The following CCDC91 variants were observed in gnomAD, a reference collection of about 807,000 sequenced individuals.
The protein encoded by CCDC91 is coiled-coil domain containing 91.
A neutral mutation model predicts 63.2 loss-of-function variants in CCDC91; 48 were observed. That is an observed-to-expected ratio of 0.76 (90% CI 0.60 to 0.97). The LOEUF is 0.97. CCDC91 is among the 50% of genes least tolerant of loss of function. The pLI is 0.00. For missense variants in CCDC91, 500 were observed against 494.6 expected (o/e 1.01, Z -0.10); for synonymous variants, 167 against 165.8 (o/e 1.01, Z -0.06).
chr12:28,246,099 T>C (rs1206797341), intron 1 of CCDC91, among the ~76,000 whole-genome samples: 1 of 152,102 alleles, frequency 6.6e-6, no homozygotes, highest in African/African-American at 2.4e-5. Flanking sequence ...ATAATAATAT[T>C]AGCAACATAA....
chr12:28,232,740 G>A (rs183774997), intron 1 of CCDC91, among the ~76,000 whole-genome samples: 230 of 152,124 alleles, frequency 1.5e-3, no homozygotes, highest in Non-Finnish European at 1.8e-3. Flanking sequence ...AGAAATGATG[G>A]TATGTCTTGT....
intron 8 of CCDC91, among the ~76,000 whole-genome samples, chr12:28,447,650 A>C (rs1292590586): frequency 4.1e-5 from 6 of 146,150 alleles, no homozygotes; most frequent in Non-Finnish European, 7.5e-5. Context: ...CAGGAGTTCA[A>C]GTCCAGTCTG....
intron 8 of CCDC91, among the ~76,000 whole-genome samples, chr12:28,409,540 A>G (rs560945694): frequency 9.9e-5 from 15 of 152,080 alleles, no homozygotes; most frequent in African/African-American, 3.1e-4. Context: ...TTAAGTTTCT[A>G]TGTCACTGAT....
chr12:28,419,781 G>T (rs1947894490), intron 8 of CCDC91, among the ~76,000 whole-genome samples: 1 of 150,496 alleles, frequency 6.6e-6, no homozygotes, highest in Non-Finnish European at 1.5e-5. Context: ...CTTTGAGATA[G>T]GATCTCACTC....
chr12:28,384,221 A>T (rs1410332277), intron 7 of CCDC91, among the ~76,000 whole-genome samples: 1 of 152,142 alleles, frequency 6.6e-6, no homozygotes, highest in African/African-American at 2.4e-5. Flanking sequence ...GATGAGGTTC[A>T]AGTAATTATT....
chr12:28,436,312 A>T (rs1188926554), intron 8 of CCDC91, among the ~76,000 whole-genome samples: 1 of 151,742 alleles, frequency 6.6e-6, no homozygotes, highest in Non-Finnish European at 1.5e-5. Context: ...CTGTACATTT[A>T]CAACTAATCC....
chr12:28,201,504 T>C (rs35497085), intron 1 of CCDC91, among the ~76,000 whole-genome samples: 2 of 120,658 alleles, frequency 1.7e-5, no homozygotes, highest in African/African-American at 6.3e-5. Context: ...ACTTCCTAGA[T>C]GGGATGGCGG....
At chr12:28,203,650 A>T (rs537781823) in intron 1 of CCDC91, among the ~76,000 whole-genome samples, 2 of 152,228 alleles carry the variant, frequency 1.3e-5, no homozygotes, top group Non-Finnish European at 2.9e-5. Flanking sequence ...TATAGTTAGG[A>T]ATTTATACAT....
At chr12:28,253,053 C>A (rs2136119242) in intron 1 of CCDC91, among the ~76,000 whole-genome samples, 1 of 152,286 alleles carries the variant, frequency 6.6e-6, no homozygotes, top group Admixed American at 6.5e-5. Flanking sequence ...CATCTTAACT[C>A]TATAGTCCCT....
At chr12:28,259,290 C>A in intron 2 of CCDC91, 74 bp from the exon 3 acceptor site, 1 of 1,072,182 alleles carries the variant, frequency 9.3e-7, no homozygotes, top group Non-Finnish European at 1.5e-6. Flanking sequence ...GCCTATTGAA[C>A]TGGAATGCTT....
At chr12:28,450,527 G>GT in intron 10 of CCDC91, 109 bp downstream of exon 10, 1 of 812,422 alleles carries the variant, frequency 1.2e-6, no homozygotes, top group South Asian at 1.7e-5. Context: ...CATAAAAATC[G>GT]TTTTTATTTC....
intron 6 of CCDC91, among the ~76,000 whole-genome samples, chr12:28,318,480 G>T (rs1940142914): frequency 6.6e-6 from 1 of 151,932 alleles, no homozygotes; most frequent in East Asian, 1.9e-4. Flanking sequence ...GTTTGAGGTT[G>T]CAATGAGCTA....
At chr12:28,347,377 GTTAC>G (rs1000166060) in intron 6 of CCDC91, among the ~76,000 whole-genome samples, 2 of 152,134 alleles carry the variant, frequency 1.3e-5, no homozygotes, top group Non-Finnish European at 2.9e-5. Flanking sequence ...ACTCTCAGCT[GTTAC>G]TTCTTCTTCT....
chr12:28,458,558 C>G (rs1440444516), intron 11 of CCDC91, among the ~76,000 whole-genome samples: 4 of 149,546 alleles, frequency 2.7e-5, no homozygotes, highest in Non-Finnish European at 5.9e-5. Flanking sequence ...CAACCTCCCC[C>G]TCCTGGTTTC....
intron 6 of CCDC91, among the ~76,000 whole-genome samples, chr12:28,358,930 C>A (rs1440476020): frequency 6.6e-6 from 1 of 152,130 alleles, no homozygotes; most frequent in African/African-American, 2.4e-5. Context: ...GAGTCTTGCT[C>A]TGTTGCCCAG....
intron 1 of CCDC91, among the ~76,000 whole-genome samples, chr12:28,210,975 A>G (rs1943195338): frequency 6.6e-6 from 1 of 150,472 alleles, no homozygotes; most frequent in Non-Finnish European, 1.5e-5. Flanking sequence ...ATCTGCAGCA[A>G]AGGTTATTAC....
chr12:28,407,424 C>T (rs1381276596), intron 8 of CCDC91, among the ~76,000 whole-genome samples: 1 of 152,170 alleles, frequency 6.6e-6, no homozygotes, highest in East Asian at 1.9e-4. Context: ...CTTTATTTAG[C>T]ATGGATATTT....
In CCDC91 at chr12:28,371,604, TAAGAA is replaced by T. The variant is rs569405562; in HGVS notation, c.654+9094_654+9098del. Among the ~76,000 whole-genome samples, 302 of 152,346 alleles carry T rather than the reference TAAGAA, an allele frequency of 2.0e-3. 3 individuals carry two copies. Among genetic ancestry groups the T allele is most frequent in the Non-Finnish European group, 3.0e-3 (201 of 68,038 alleles). ...TTAAACAATTGCTTTTTAAATCAGT[TAAGAA>T]AAGAGAAGCAGCATCCAATTATGCT... On this transcript the variant is annotated intron_variant, in intron 7 of 12. Transcript: ENST00000536442.
In CCDC91 at chr12:28,519,876, A is replaced by G. The variant is rs866413784; in HGVS notation, c.1216-29187A>G. Among the ~76,000 whole-genome samples the G allele has an allele frequency of 3.7e-4, 56 of 151,910 alleles. 1 individual carries two copies. The highest frequency in any genetic ancestry group is 3.3e-4 in the Admixed American group (5 of 15,236). ...AGAATGATGGATACCAGCTTCATCC[A>G]TGTCCCAACAAAGGACATGAACTCT... On this transcript the variant is annotated intron_variant, in intron 12 of 12. Coordinates refer to ENST00000536442, the MANE Select transcript of CCDC91 (RefSeq NM_018318.5).
Sources: gnomAD v4.1 joint callset for allele counts (sites outside exome capture counted in the v4.1 genomes callset) on GRCh38, gnomAD v4.1.1 for gene constraint, MANE v1.5 for transcripts, NCBI Gene and HGNC (gene_info 2026-07-23, HGNC 2026-07-21) for gene names.